Variants in RPS6KA2 observed in about 807,000 individuals in gnomAD.
RPS6KA2 encodes ribosomal protein S6 kinase A2, also known as ribosomal protein S6 kinase alpha-2.
RPS6KA2 carries 42 observed loss-of-function variants against 91.8 expected under a neutral mutation model. That is an observed-to-expected ratio of 0.46 (90% confidence interval 0.36 to 0.59). The LOEUF is 0.59. Among genes scored for constraint, RPS6KA2 ranks in the 20% least tolerant of loss-of-function variants. The pLI is 0.00. For missense variants in RPS6KA2, 798 were observed against 978.5 expected (o/e 0.82, Z 2.46); for synonymous variants, 414 against 393.6 (o/e 1.05, Z -0.61).
chr6:166,512,623 T>C (rs369057980), intron 3 of RPS6KA2, among the ~76,000 whole-genome samples: 35 of 152,336 alleles, frequency 2.3e-4, no homozygotes, highest in African/African-American at 7.5e-4. Flanking sequence ...GTTTGGTCTG[T>C]AATACTGTCT....
intron 1 of RPS6KA2, among the ~76,000 whole-genome samples, chr6:166,588,472 C>T (rs545271419): frequency 6.6e-6 from 1 of 152,252 alleles, no homozygotes; most frequent in East Asian, 1.9e-4. Context: ...CTTGGGCACA[C>T]GACATCCCTT....
At chr6:166,453,544 G>A (rs1401767376) in intron 12 of RPS6KA2, among the ~76,000 whole-genome samples, 1 of 152,206 alleles carries the variant, frequency 6.6e-6, no homozygotes, top group East Asian at 1.9e-4. Context: ...CAGTCAGAAT[G>A]GCTATTACTA....
At chr6:166,579,450 G>C (rs10080969) in intron 1 of RPS6KA2, among the ~76,000 whole-genome samples, 1 of 152,158 alleles carries the variant, frequency 6.6e-6, no homozygotes, top group African/African-American at 2.4e-5. Context: ...CAGAGGTTTC[G>C]GTGGTGGCAA....
chr6:166,700,163 C>A (rs1320390546), intron 2 of RPS6KA2, among the ~76,000 whole-genome samples: 1 of 152,218 alleles, frequency 6.6e-6, no homozygotes, highest in Non-Finnish European at 1.5e-5. Flanking sequence ...AAACTGCAGT[C>A]TCCTGAAGCC....
intron 3 of RPS6KA2, among the ~76,000 whole-genome samples, chr6:166,517,557 GCTC>G (rs1409305964): frequency 7.1e-6 from 1 of 140,238 alleles, no homozygotes; most frequent in East Asian, 2.1e-4. Flanking sequence ...CTCACTGCAA[GCTC>G]CTCTTCCCGG....
chr6:166,647,878 T>G (rs1787678577), intron 2 of RPS6KA2, among the ~76,000 whole-genome samples: 1 of 88,522 alleles, frequency 1.1e-5, no homozygotes, highest in Admixed American at 1.2e-4. Flanking sequence ...ATGCACATGC[T>G]GACACACATA....
chr6:166,565,787 C>A (rs1784482502), intron 1 of RPS6KA2, among the ~76,000 whole-genome samples: 1 of 152,154 alleles, frequency 6.6e-6, no homozygotes, highest in Non-Finnish European at 1.5e-5. Flanking sequence ...CGGCCGATGG[C>A]CTGGAAGACA....
chr6:166,831,847 A>G (rs1780190665), intron 2 of RPS6KA2, among the ~76,000 whole-genome samples: 1 of 151,714 alleles, frequency 6.6e-6, no homozygotes, highest in South Asian at 2.1e-4. Flanking sequence ...TAGGTAATAG[A>G]TATATAGATA....
At position 166,666,024 on chromosome 6, in the gene RPS6KA2, G is replaced by A. The variant is rs1162054191; in HGVS notation, c.124-127240C>T. On this transcript the variant is annotated intron_variant, in intron 2 of 21. Transcript: ENST00000503859. The surrounding 1 kb of genome is among the most constrained non-coding windows in gnomAD (Gnocchi z 4.0). ...AAAAGCCCACATCACCACAGGCTGC[G>A]ATCTGAAGGAGCAGAGATTAGCAAT... is the stretch of plus-strand genomic sequence containing the variant. Among the ~76,000 whole-genome samples the A allele has an allele frequency of 4.6e-5, 7 of 152,214 alleles. No homozygotes were observed. Among genetic ancestry groups the A allele is most frequent in the African/African-American group, 2.4e-5 (1 of 41,456 alleles).
chr6:166,448,850 C>G lies in RPS6KA2; in HGVS notation c.1207-1G>C. 1 of 1,613,754 alleles carries G rather than the reference C, an allele frequency of 6.2e-7. No individual in the cohort carries two copies. Among genetic ancestry groups the G allele is most frequent in the Non-Finnish European group, 8.5e-7 (1 of 1,179,840 alleles). Reference sequence around the variant, plus strand: ...AGTGGATGTTGTTCCCGTGTAACTGCTGCAGAGGGACCAAGAGAAGAAGAG... The same window carrying G: ...AGTGGATGTTGTTCCCGTGTAACTGGTGCAGAGGGACCAAGAGAAGAAGAG... On this transcript the variant is annotated splice_acceptor_variant, in intron 13 of 20. Transcript: ENST00000265678. LOFTEE classifies it high-confidence loss of function. The surrounding 1 kb of genome is among the most constrained non-coding windows in gnomAD (Gnocchi z 4.7).
intron 3 of RPS6KA2, among the ~76,000 whole-genome samples, chr6:166,529,292 G>C (rs924221100): frequency 6.6e-6 from 1 of 152,182 alleles, no homozygotes; most frequent in African/African-American, 2.4e-5. Flanking sequence ...GAAGCTGGAA[G>C]CCATCATTCT....
At chr6:166,818,461 C>CA (rs1402927429) in intron 2 of RPS6KA2, among the ~76,000 whole-genome samples, 2 of 152,172 alleles carry the variant, frequency 1.3e-5, no homozygotes, top group East Asian at 3.9e-4. Context: ...CGTTAGCTGG[C>CA]AGGTCCATCC....
At chr6:166,536,894 G>A (rs1429829193) in intron 2 of RPS6KA2, among the ~76,000 whole-genome samples, 2 of 152,250 alleles carry the variant, frequency 1.3e-5, no homozygotes, top group Non-Finnish European at 2.9e-5. Flanking sequence ...AGTGTTATGA[G>A]CATTATCATT....
At chr6:166,431,068 T>C (rs1456987548) in intron 15 of RPS6KA2, among the ~76,000 whole-genome samples, 2 of 152,056 alleles carry the variant, frequency 1.3e-5, no homozygotes, top group African/African-American at 4.8e-5. Flanking sequence ...GCTGGGATTA[T>C]AGGTGCACGT....
chr6:166,491,367 TG>T (rs1490434825), intron 8 of RPS6KA2, among the ~76,000 whole-genome samples: 2 of 152,208 alleles, frequency 1.3e-5, no homozygotes, highest in African/African-American at 4.8e-5. Flanking sequence ...TGTCTGAGCA[TG>T]GGTTTCTTTC....
rs989974698 is a variant in RPS6KA2 at position 166,470,002 on chromosome 6, G to T, written c.908-97C>A. The T allele has an allele frequency of 2.5e-5, 28 of 1,099,798 alleles. No individual in the cohort carries two copies. In the South Asian group the frequency reaches 2.9e-4, roughly 11 times the overall value. The allele number at this position is 1,099,798 out of a possible 1,614,324, so 68.1% of individuals were successfully genotyped here. A position where few individuals can be genotyped will look rare whatever the true frequency, so the allele number is the denominator to read the frequency against. ...GTGTGGAGGGTGGGGATGTGCAGAG[G>T]TGGGGCCGTGGGAAGGAGCCCAGAG... On this transcript the variant is annotated intron_variant, in intron 10 of 20. Transcript: ENST00000265678.
intron 2 of RPS6KA2, among the ~76,000 whole-genome samples, chr6:166,802,940 G>GTA (rs1416795565): frequency 1.5e-4 from 22 of 147,934 alleles, no homozygotes; most frequent in African/African-American, 3.9e-4. Context: ...ATATGTGTGT[G>GTA]TGTGTATATA....
rs1562427862 is a variant in RPS6KA2 at position 166,767,808 on chromosome 6, CACACACA to C, written c.123+90385_123+90391del. 1.4e-5 allele frequency among the ~76,000 whole-genome samples: 2 copies of C among 138,298 alleles called. No individual in the cohort carries two copies. The highest frequency in any genetic ancestry group is 5.4e-5 in the African/African-American group (2 of 36,850). The allele number at this position is 138,298 out of a possible 152,430, so 90.7% of individuals were successfully genotyped here. A position where few individuals can be genotyped will look rare whatever the true frequency, so the allele number is the denominator to read the frequency against. ...ACACACACACACACACACACACACA[CACACACA>C]CCCTGGTGTCAGGCAGCCGGCCACC... On this transcript the variant is annotated intron_variant, in intron 2 of 21. Transcript: ENST00000503859. This position sits in a 1 kb window ranked among gnomAD's most constrained non-coding sequence, Gnocchi z 4.6.
intron 1 of RPS6KA2, among the ~76,000 whole-genome samples, chr6:166,579,304 C>T (rs889614754): frequency 6.6e-6 from 1 of 152,110 alleles, no homozygotes; most frequent in African/African-American, 2.4e-5. Flanking sequence ...TTGAGATGGG[C>T]CCAACAGGTG....
Sources: gnomAD v4.1 joint callset for allele counts (sites outside exome capture counted in the v4.1 genomes callset) on GRCh38, gnomAD v4.1.1 for gene constraint, Gnocchi (gnomAD v3.1) non-coding constraint, MANE v1.5 for transcripts, NCBI Gene and HGNC (gene_info 2026-07-23, HGNC 2026-07-21) for gene names.